Variants in ACBD5 observed in about 807,000 individuals in gnomAD.
ACBD5 encodes acyl-CoA-binding domain-containing protein 5.
ACBD5 carries 40 observed loss-of-function variants against 71.8 expected under a neutral mutation model. The observed-to-expected ratio is 0.56, with a 90% CI of 0.43 to 0.72. The LOEUF (loss-of-function observed/expected upper bound fraction) is 0.72. Ranked by LOEUF, ACBD5 falls within the 30% of genes least tolerant of loss-of-function variation. The probability of loss-of-function intolerance (pLI) is 0.00; values close to 1 mark genes in which losing one functional copy is unlikely to be tolerated. For synonymous variants in ACBD5, 229 were observed against 218.6 expected, an observed-to-expected ratio of 1.05 and a Z score of -0.42; for missense variants, 559 against 644.5, an observed-to-expected ratio of 0.87 and a Z score of 1.44.
At position 27,224,513 on chromosome 10, in the gene ACBD5, T is replaced by G. The variant is rs191923636; in HGVS notation, c.376-1061A>C. On this transcript the variant is annotated intron_variant, in intron 4 of 12. Transcript: ENST00000396271. The stretch of plus-strand genomic sequence containing the variant: ...TAGTATTTCTAACAGGGCACAAAAG[T>G]AAAGTAGGAAATTGTAATCACTTTC... Among the ~76,000 whole-genome samples the G allele has an allele frequency of 4.2e-4, 64 of 152,298 alleles. No homozygotes were observed. In the East Asian group the frequency reaches 9.5e-3, roughly 22 times the overall value.
rs535598193 is a variant in ACBD5, at chr10:27,219,520, C to T, written c.625+203G>A. Reference sequence around the variant, plus strand: ...CCTATTCTTGTCAACCTTCAATTAACACCTATTCCATTTACGCATAAGGTT... The same window carrying T: ...CCTATTCTTGTCAACCTTCAATTAATACCTATTCCATTTACGCATAAGGTT... On this transcript the variant is annotated intron_variant, in intron 6 of 12. Coordinates refer to ENST00000396271, the MANE Select transcript of ACBD5 (RefSeq NM_145698.5). Among the ~76,000 whole-genome samples the T allele has an allele frequency of 3.3e-5, 5 of 152,290 alleles. No homozygotes were observed. In the South Asian group the frequency reaches 1.0e-3, roughly 32 times the overall value.
chr10:27,192,558 C>T (rs1362527957), downstream of ACBD5, among the ~76,000 whole-genome samples: 2 of 151,974 alleles, frequency 1.3e-5, no homozygotes, highest in South Asian at 2.1e-4. Flanking sequence ...ACTGGATTCT[C>T]GTGGAGGAGG....
chr10:27,212,096 C>T (rs947767660), intron 8 of ACBD5, among the ~76,000 whole-genome samples: 1 of 152,148 alleles, frequency 6.6e-6, no homozygotes, highest in Admixed American at 6.5e-5. Flanking sequence ...CACCTGTAAT[C>T]CCAGCAGTTT....
chr10:27,211,095 A>T lies in ACBD5; in HGVS notation c.937-14T>A. 1 of 1,613,914 alleles carries T rather than the reference A, an allele frequency of 6.2e-7. No homozygotes were observed. Among genetic ancestry groups the T allele is most frequent in the Non-Finnish European group, 8.5e-7 (1 of 1,179,930 alleles). On this transcript the variant is annotated splice_polypyrimidine_tract_variant and intron_variant, in intron 8 of 12. Transcript: ENST00000396271. ...GCTGTCTAAAGACTACAAATTAGAA[A>T]TGACACTTAGTTAAAAGCTAGAAAT...
Position 27,208,523 on chromosome 10 carries a change from G to C in ACBD5, c.1205-78C>G, listed in dbSNP as rs998653258. On this transcript the variant is annotated intron_variant, in intron 9 of 12. Transcript: ENST00000396271. ...AACTGTGTTTTATTCATTTTCCTCT[G>C]TTATTTCTTTGAGATCTAAATCTCC... The C allele has an allele frequency of 5.9e-6, 9 of 1,520,624 alleles. No individual in the cohort carries two copies. In the African/African-American group the frequency reaches 6.9e-5, roughly 12 times the overall value. 94.2% of individuals were successfully genotyped at this position (1,520,624 alleles called of 1,614,324 possible).
At chr10:27,215,697 A>G (rs1317065620) in intron 7 of ACBD5, 56 bp from the exon 8 acceptor site, 17 of 1,281,112 alleles carry the variant, frequency 1.3e-5, no homozygotes, top group Non-Finnish European at 1.3e-5. Context: ...AAGAAAAACA[A>G]ATTTATTCCT....
chr10:27,237,911 G>C (rs993029942), intron 2 of ACBD5, among the ~76,000 whole-genome samples: 10 of 151,266 alleles, frequency 6.6e-5, no homozygotes, highest in Admixed American at 6.6e-4. Context: ...CACCACGCCT[G>C]GCCTGATAGG....
At chr10:27,228,115 G>C (rs2063320354) in intron 4 of ACBD5, among the ~76,000 whole-genome samples, 1 of 151,852 alleles carries the variant, frequency 6.6e-6, no homozygotes, top group Admixed American at 6.6e-5. Flanking sequence ...GGTCATCCTG[G>C]GGCATTTCTA....
intron 10 of ACBD5, among the ~76,000 whole-genome samples, chr10:27,206,854 T>C (rs868051700): frequency 3.3e-5 from 5 of 152,092 alleles, no homozygotes; most frequent in African/African-American, 1.2e-4. Flanking sequence ...ATACACCTTC[T>C]TGAGGATCTG....
chr10:27,234,190 G>A (rs1461389893), intron 3 of ACBD5, among the ~76,000 whole-genome samples: 3 of 152,244 alleles, frequency 2.0e-5, no homozygotes, highest in East Asian at 1.9e-4. Context: ...AAAACAGCAC[G>A]GATGAGTACA....
chr10:27,186,652 T>C, intron 13 of ACBD5: 1 of 989,020 alleles, frequency 1.0e-6, no homozygotes, highest in Non-Finnish European at 1.6e-6. Flanking sequence ...CCTAGTTCAA[T>C]GTGCTTTTAA....
At chr10:27,233,688 A>C (rs1231803909) in intron 3 of ACBD5, among the ~76,000 whole-genome samples, 1 of 152,212 alleles carries the variant, frequency 6.6e-6, no homozygotes, top group Non-Finnish European at 1.5e-5. Context: ...ACTACACTCC[A>C]GCCTGAGTGA....
chr10:27,213,603 C>T (rs753378641), intron 8 of ACBD5, among the ~76,000 whole-genome samples: 17 of 151,966 alleles, frequency 1.1e-4, no homozygotes, highest in Non-Finnish European at 2.1e-4. Context: ...ACTGAAAGTA[C>T]AAAATTAGCG....
At chr10:27,204,610 A>G (rs1308589611) in intron 11 of ACBD5, 61 bp from the exon 12 acceptor site, 2 of 1,169,294 alleles carry the variant, frequency 1.7e-6, no homozygotes, top group Non-Finnish European at 2.5e-6. Flanking sequence ...AAACTTAAAA[A>G]CATACCTAAT....
At chr10:27,199,063 C>T (rs1043953169) in intron 12 of ACBD5, among the ~76,000 whole-genome samples, 3 of 151,228 alleles carry the variant, frequency 2.0e-5, no homozygotes, top group African/African-American at 7.3e-5. Flanking sequence ...GAGCTGAGAT[C>T]GGGCCACTGC....
In ACBD5 at chr10:27,218,119, A is replaced by G. The variant is rs766809904; in HGVS notation, c.690T>C (p.Tyr230=). 1 of 1,614,172 alleles carries G rather than the reference A, an allele frequency of 6.2e-7. No individual in the cohort carries two copies. The highest frequency in any genetic ancestry group is 1.7e-5 in the Admixed American group (1 of 60,018). Residue 230 remains tyrosine (Y), a synonymous_variant, in exon 7 of 13, where the codon TAT becomes TAC. Transcript: ENST00000396271. ...TATCCTGAACAAAGCCATCTTTATC[A>G]TAGCCATTAGTGACAATGACTTCCA... ...KNLEVIVTNG[Y]DKDGFVQDIQ... is the part of the protein sequence containing the mutation.
At chr10:27,190,204 G>C (rs1238981406) in intron 13 of ACBD5, among the ~76,000 whole-genome samples, 1 of 152,180 alleles carries the variant, frequency 6.6e-6, no homozygotes, top group Admixed American at 6.5e-5. Flanking sequence ...AGAATTGCTT[G>C]AACCTGGGAG....
intron 8 of ACBD5, among the ~76,000 whole-genome samples, chr10:27,213,774 A>G (rs536090577): frequency 6.6e-6 from 1 of 151,456 alleles, no homozygotes; most frequent in African/African-American, 2.4e-5. Flanking sequence ...AAAAAAAAGT[A>G]CCAAAAATAG....
chr10:27,236,401 C>T (rs988396655), intron 2 of ACBD5, among the ~76,000 whole-genome samples: 1 of 151,830 alleles, frequency 6.6e-6, no homozygotes, highest in Admixed American at 6.6e-5. Context: ...ATAAAAAGTA[C>T]AGTAGAAAGA....
Sources: allele counts gnomAD v4.1 joint callset (sites outside exome capture counted in the v4.1 genomes callset), GRCh38; gene constraint gnomAD v4.1.1; transcripts MANE v1.5; gene names NCBI Gene and HGNC (gene_info 2026-07-23, HGNC 2026-07-21).